ADAT1: variants seen among roughly 807,000 people sequenced by gnomAD.
ADAT1 encodes the protein adenosine deaminase tRNA specific 1, also known as tRNA-specific adenosine deaminase 1.
In ADAT1, 58 loss-of-function variants were observed where a neutral mutation model predicts 58.6. The observed-to-expected ratio is 0.99, with a 90% CI of 0.80 to 1.23. The LOEUF (loss-of-function observed/expected upper bound fraction) is 1.23, where lower values mean the gene tolerates loss of function less well. Ranked by LOEUF, ADAT1 falls within the 50% of genes most tolerant of loss-of-function variation. The pLI is 0.00. For synonymous variants in ADAT1, 254 were observed against 220.8 expected, an observed-to-expected ratio of 1.15 and a Z score of -1.33; for missense variants, 741 against 608.6, an observed-to-expected ratio of 1.22 and a Z score of -2.29.
At chr16:75,603,315 T>C in intron 8 of ADAT1, 144 bp from the exon 9 acceptor site, 2 of 671,868 alleles carry the variant, frequency 3.0e-6, no homozygotes, top group Non-Finnish European at 5.1e-6. Context: ...GAGGAGAAAA[T>C]CCAGACCTGG....
In ADAT1 at chr16:75,623,149, A is replaced by G. The variant is rs1392432777; in HGVS notation, c.-768T>C. On this transcript the variant is annotated 5_prime_UTR_variant, in exon 1 of 10. Coordinates refer to ENST00000564657, the MANE Select transcript of ADAT1 (RefSeq NM_001324445.2). The stretch of plus-strand genomic sequence containing the variant: ...GCGTCCCGGAAGATACGATCCTCAC[A>G]ACCTCTTCCCTCAAAAACAGACTCG... 7 of 152,314 alleles carry G rather than the reference A, an allele frequency of 4.6e-5. No individual in the cohort carries two copies. The highest frequency in any genetic ancestry group is 3.3e-4 in the Admixed American group (5 of 15,290). The allele number at this position is 152,314 out of a possible 1,614,324, so 9.4% of individuals were successfully genotyped here.
At chr16:75,622,235 G>A (rs1223258371) in intron 1 of ADAT1, among the ~76,000 whole-genome samples, 168 bp downstream of exon 1, 2 of 152,182 alleles carry the variant, frequency 1.3e-5, no homozygotes, top group African/African-American at 4.8e-5. Context: ...AGCGCAACGT[G>A]CAGGCTCGCT....
Position 75,620,840 on chromosome 16 carries a change from C to G in ADAT1, c.-21-20G>C, listed in dbSNP as rs1229619262. 47 of 1,586,812 alleles carry G rather than the reference C, an allele frequency of 3.0e-5. No homozygotes were observed. Among genetic ancestry groups the G allele is most frequent in the Non-Finnish European group, 3.8e-5 (44 of 1,161,982 alleles). ...TGAGACCTTGATCAAAAACCACAAC[C>G]ATCAGAAGTACGGAAAGGAGAACCA... On this transcript the variant is annotated intron_variant, in intron 1 of 9. Transcript: ENST00000564657.
chr16:75,603,239 T>C, intron 8 of ADAT1, 68 bp from the exon 9 acceptor site: 2 of 1,386,890 alleles, frequency 1.4e-6, no homozygotes, highest in East Asian at 4.6e-5. Flanking sequence ...CTATCAAAGA[T>C]GCCAGGCTTC....
chr16:75,608,595 C>T lies in ADAT1; in HGVS notation c.1189+248G>A, dbSNP rs373956379. 8.5e-6 allele frequency: 5 copies of T among 587,740 alleles called. No individual in the cohort carries two copies. The South Asian group carries it at 1.1e-4, about 13-fold the overall frequency. 36.4% of individuals were successfully genotyped at this position (587,740 alleles called of 1,614,324 possible). On this transcript the variant is annotated intron_variant, in intron 7 of 9. Coordinates refer to ENST00000564657, the MANE Select transcript of ADAT1 (RefSeq NM_001324445.2). ...TAAACAGAATTTCTCACTGAATCTT[C>T]CCAATAACCCTGATAAATGATATTC...
At chr16:75,616,996 A>C (rs534843314) in intron 5 of ADAT1, 146 bp downstream of exon 5, 1 of 929,344 alleles carries the variant, frequency 1.1e-6, no homozygotes, top group African/African-American at 1.7e-5. Flanking sequence ...TGTCATAAAA[A>C]GGCACTGTCA....
At chr16:75,620,123 G>A (rs1225512115) in intron 3 of ADAT1, 143 bp downstream of exon 3, 6 of 750,532 alleles carry the variant, frequency 8.0e-6, no homozygotes, top group Middle Eastern at 2.4e-4. Flanking sequence ...AAGTGAGTAC[G>A]GTCCTTCCAA....
rs1555508674 is a variant in ADAT1 at position 75,604,456 on chromosome 16, A to AAAAAT, written c.1290-1286_1290-1285insATTTT. ...TCAAAAAAAAAAAAAAAAAAAAAAA[A>AAAAAT]ATATATATATATATATATACACACA... On this transcript the variant is annotated intron_variant, in intron 8 of 9. Transcript: ENST00000564657. 3.9e-3 allele frequency among the ~76,000 whole-genome samples: 190 copies of AAAAAT among 48,762 alleles called. 8 individuals carry two copies. Among genetic ancestry groups the AAAAAT allele is most frequent in the Admixed American group, 4.6e-3 (13 of 2,854 alleles). 32.0% of individuals were successfully genotyped at this position (48,762 alleles called of 152,430 possible).
At position 75,598,504 on chromosome 16, in the gene ADAT1, G is replaced by C. The variant is rs1049346986; in HGVS notation, c.*1712C>G. ...AAATTGATGGTTGCACAACTCTGTG[G>C]ATATACTAAAAAAATTTTTTTTTTT... is the stretch of plus-strand genomic sequence containing the variant. On this transcript the variant is annotated 3_prime_UTR_variant, in exon 10 of 10. Coordinates refer to ENST00000564657, the MANE Select transcript of ADAT1 (RefSeq NM_001324445.2). 3.3e-5 allele frequency among the ~76,000 whole-genome samples: 5 copies of C among 151,278 alleles called. No individual in the cohort carries two copies. The highest frequency in any genetic ancestry group is 7.3e-5 in the African/African-American group (3 of 40,936).
Position 75,618,726 on chromosome 16 carries a change from A to G in ADAT1, c.239-86T>C, listed in dbSNP as rs1202371402. 3 of 1,508,622 alleles carry G rather than the reference A, an allele frequency of 2.0e-6. No homozygotes were observed. The African/African-American group carries it at 4.2e-5, about 21-fold the overall frequency. 93.5% of individuals were successfully genotyped at this position (1,508,622 alleles called of 1,614,324 possible). On this transcript the variant is annotated intron_variant, in intron 3 of 9. Coordinates refer to ENST00000564657, the MANE Select transcript of ADAT1 (RefSeq NM_001324445.2). ...AGAAGCAGAACACAGCAGTCCCACC[A>G]GCACCCAGGATGGTCATGTAGCTCC... is the stretch of plus-strand genomic sequence containing the variant.
chr16:75,617,051 A>G (rs1567481921), intron 5 of ADAT1, 91 bp downstream of exon 5: 17 of 1,477,788 alleles, frequency 1.2e-5, no homozygotes, highest in Middle Eastern at 3.9e-4. Flanking sequence ...TTCAGCCATT[A>G]GTGCTTTTTA....
In ADAT1 at chr16:75,608,243, T is replaced by C. The variant is rs1174348277; in HGVS notation, c.1270A>G (p.Ile424Val). Residue 424 changes from isoleucine (I) to valine (V), a missense_variant, in exon 8 of 10, where the codon ATT (isoleucine) becomes GTT (valine). Transcript: ENST00000564657. ...GFPQGTTKKTIGSLQARSQIS... is the reference protein window; with the variant it reads ...GFPQGTTKKTVGSLQARSQIS... ...CTGTACCTTGCCTGAAGGCTTCCAA[T>C]TGTTTTCTTTGTTGTTCCCTGTGGA... is the stretch of plus-strand genomic sequence containing the variant. 2 of 1,614,000 alleles carry C rather than the reference T, an allele frequency of 1.2e-6. No individual in the cohort carries two copies. Among genetic ancestry groups the C allele is most frequent in the East Asian group, 2.2e-5 (1 of 44,866 alleles).
At chr16:75,620,842 T>C in intron 1 of ADAT1, 22 bp from the exon 2 acceptor site, 2 of 1,584,626 alleles carry the variant, frequency 1.3e-6, no homozygotes, top group African/African-American at 1.3e-5. Flanking sequence ...ACCACAACCA[T>C]CAGAAGTACG....
At chr16:75,614,800 G>T (rs1341418170) in intron 5 of ADAT1, among the ~76,000 whole-genome samples, 1 of 152,204 alleles carries the variant, frequency 6.6e-6, no homozygotes, top group African/African-American at 2.4e-5. Flanking sequence ...TCTAGGTAAT[G>T]TTCTCTCTCT....
At chr16:75,602,816 G>A (rs1433880252) in intron 9 of ADAT1, among the ~76,000 whole-genome samples, 3 of 152,186 alleles carry the variant, frequency 2.0e-5, no homozygotes, top group Non-Finnish European at 1.5e-5. Flanking sequence ...TCCATCTAGA[G>A]GTGGAATCAA....
Position 75,612,578 on chromosome 16 carries a change from A to G in ADAT1, c.708T>C (p.Thr236=), listed in dbSNP as rs964503571. 3 of 1,614,098 alleles carry G rather than the reference A, an allele frequency of 1.9e-6. No homozygotes were observed. The Admixed American group carries it at 5.0e-5, about 27-fold the overall frequency. ...ISPGIHSCDL[T]VEGLATVTRI... ...TGGTGACAGTAGCCAGTCCCTCTAC[A>G]GTGAGATCACAGCTGTGGATGCCTG... Residue 236 remains threonine (T), a synonymous_variant, in exon 6 of 10, where the codon ACT becomes ACC. Coordinates refer to ENST00000564657, the MANE Select transcript of ADAT1 (RefSeq NM_001324445.2).
At chr16:75,610,890 T>A (rs940575339) in intron 6 of ADAT1, among the ~76,000 whole-genome samples, 1 of 152,030 alleles carries the variant, frequency 6.6e-6, no homozygotes, top group African/African-American at 2.4e-5. Context: ...GGTGGGAGAA[T>A]TACTTAAGGC....
At chr16:75,606,094 C>G (rs1427058762) in intron 8 of ADAT1, among the ~76,000 whole-genome samples, 1 of 151,312 alleles carries the variant, frequency 6.6e-6, no homozygotes, top group Non-Finnish European at 1.5e-5. Context: ...GTCTCGAACT[C>G]CTGGCTTCAA....
At position 75,623,196 on chromosome 16, in the gene ADAT1, C is replaced by G. The variant is rs917043526; in HGVS notation, c.-815G>C. 3 of 152,338 alleles carry G rather than the reference C, an allele frequency of 2.0e-5. No individual in the cohort carries two copies. The highest frequency in any genetic ancestry group is 2.9e-5 in the Non-Finnish European group (2 of 68,096). The allele number at this position is 152,338 out of a possible 1,614,324, so 9.4% of individuals were successfully genotyped here. ...CTCGGCAAAGTTAGCCCGGATAAAC[C>G]TGCCCCGTCGCCCCAGCGCCTCGCG... On this transcript the variant is annotated 5_prime_UTR_variant, in exon 1 of 10. Coordinates refer to ENST00000564657, the MANE Select transcript of ADAT1 (RefSeq NM_001324445.2).
Sources: gnomAD v4.1 joint callset for allele counts (sites outside exome capture counted in the v4.1 genomes callset) on GRCh38, gnomAD v4.1.1 for gene constraint, MANE v1.5 for transcripts, NCBI Gene and HGNC (gene_info 2026-07-23, HGNC 2026-07-21) for gene names.